Variants in HMOX1 observed in about 807,000 individuals in gnomAD.
HMOX1 encodes heme oxygenase 1, also known as heat shock protein, 32-kD.
HMOX1 carries 22 observed loss-of-function variants against 27.8 expected under a neutral mutation model. That is an observed-to-expected ratio of 0.79 (90% CI 0.57 to 1.13). HMOX1 has a LOEUF of 1.13. HMOX1 is among the 50% of genes most tolerant of loss of function. HMOX1 has a pLI of 0.00. For missense variants in HMOX1, 379 were observed against 377.7 expected, an observed-to-expected ratio of 1.00 and a Z score of -0.03; for synonymous variants, 153 against 151.6, an observed-to-expected ratio of 1.01 and a Z score of -0.07.
Position 35,383,076 on chromosome 22 carries a change from T to A in HMOX1, c.24-30T>A, listed in dbSNP as rs771330097. On this transcript the variant is annotated intron_variant, in intron 1 of 4. Transcript: ENST00000216117. ...GGAAGGACCCCACCCCCAGCCAGCT[T>A]TGTGTTCACCTTTCCCATTTCCTCC... is the stretch of plus-strand genomic sequence containing the variant. The A allele has an allele frequency of 6.8e-6, 11 of 1,611,794 alleles. No individual in the cohort carries two copies. The South Asian group carries it at 1.2e-4, about 18-fold the overall frequency.
In HMOX1 at chr22:35,386,957, TGACCTGTCTGGGGGCCAG is replaced by T. The variant is rs1271625779; in HGVS notation, c.419_436del (p.Asp140_Gln145del). The T allele has an allele frequency of 1.9e-6, 3 of 1,613,926 alleles. No individual in the cohort carries two copies. The highest frequency in any genetic ancestry group is 2.7e-5 in the African/African-American group (2 of 74,938). ...CCCACGCCTACACCCGCTACCTGGGTGACCTGTCTGGGGGCCAGGTGCTCAAAAAGATTGCCCAGAAAG... is the reference window on the plus strand; with the variant it reads ...CCCACGCCTACACCCGCTACCTGGGTGTGCTCAAAAAGATTGCCCAGAAAG... On this transcript the variant is annotated inframe_deletion, in exon 3 of 5. Transcript: ENST00000216117.
chr22:35,381,876 T>A (rs1031749984), intron 1 of HMOX1, among the ~76,000 whole-genome samples: 5 of 152,064 alleles, frequency 3.3e-5, no homozygotes, highest in Non-Finnish European at 7.4e-5. Context: ...TGACCAGCTG[T>A]GTTGTAGAAC....
Position 35,393,960 on chromosome 22 carries a change from C to T in HMOX1, c.*362C>T, listed in dbSNP as rs957145319. The T allele has an allele frequency of 4.1e-5, 14 of 339,578 alleles. No homozygotes were observed. Among genetic ancestry groups the T allele is most frequent in the African/African-American group, 1.3e-4 (6 of 46,918 alleles). The allele number at this position is 339,578 out of a possible 1,614,324, so 21.0% of individuals were successfully genotyped here. A position where few individuals can be genotyped will look rare whatever the true frequency, so the allele number is the denominator to read the frequency against. Reference sequence around the variant, plus strand: ...TTGACACGGCCATGACCACTTTCCCCGTGGGCCATGGCAATTTTTACACAA... The same window carrying T: ...TTGACACGGCCATGACCACTTTCCCTGTGGGCCATGGCAATTTTTACACAA... On this transcript the variant is annotated 3_prime_UTR_variant, in exon 5 of 5. Coordinates refer to ENST00000216117, the MANE Select transcript of HMOX1 (RefSeq NM_002133.3).
intron 4 of HMOX1, 50 bp downstream of exon 4, chr22:35,390,013 C>T (rs771793717): frequency 8.9e-7 from 1 of 1,128,326 alleles, no homozygotes; most frequent in Non-Finnish European, 1.3e-6. Flanking sequence ...CATGGAGGGA[C>T]TTGGCTGTCT....
chr22:35,391,193 A>G (rs1931709313), intron 4 of HMOX1, among the ~76,000 whole-genome samples: 1 of 152,108 alleles, frequency 6.6e-6, no homozygotes, highest in African/African-American at 2.4e-5. Flanking sequence ...GCAGTTCTCA[A>G]AGTGTGGTAC....
intron 4 of HMOX1, among the ~76,000 whole-genome samples, chr22:35,391,586 CTTTTTTTTT>C (rs56153278): frequency 1.1e-5 from 1 of 89,008 alleles, no homozygotes; most frequent in Non-Finnish European, 2.0e-5. Flanking sequence ...CGCGCCCGGC[CTTTTTTTTT>C]TTTTTTTTTT....
rs957403922 is a variant in HMOX1 at position 35,393,696 on chromosome 22, A to G, written c.*98A>G. 8.6e-5 allele frequency: 126 copies of G among 1,467,706 alleles called. No individual in the cohort carries two copies. In the Middle Eastern group the frequency reaches 2.0e-3, roughly 24 times the overall value. The allele number at this position is 1,467,706 out of a possible 1,614,324, so 90.9% of individuals were successfully genotyped here. On this transcript the variant is annotated 3_prime_UTR_variant, in exon 5 of 5. Transcript: ENST00000216117. ...CTTGGCTGGCTTCCTTACCGTGGGC[A>G]CTGAAGGCTTTCAGGGCCTCCAGCC...
chr22:35,384,190 TCC>T (rs1376891574), intron 2 of HMOX1, among the ~76,000 whole-genome samples: 2 of 152,136 alleles, frequency 1.3e-5, no homozygotes. Context: ...CAAGCGATTC[TCC>T]TGCCTCAGCC....
intron 4 of HMOX1, among the ~76,000 whole-genome samples, chr22:35,392,747 TCA>T (rs1227965898): frequency 1.3e-5 from 2 of 149,470 alleles, no homozygotes; most frequent in African/African-American, 4.9e-5. Context: ...AAATGGAGTC[TCA>T]CTCTGTTGCC....
At chr22:35,383,857 G>A (rs1931444616) in intron 2 of HMOX1, among the ~76,000 whole-genome samples, 3 of 152,036 alleles carry the variant, frequency 2.0e-5, no homozygotes, top group African/African-American at 7.2e-5. Context: ...TGATTTTGCT[G>A]TTTCCCAGCA....
At chr22:35,385,195 G>C (rs1033804092) in intron 2 of HMOX1, among the ~76,000 whole-genome samples, 5 of 152,120 alleles carry the variant, frequency 3.3e-5, no homozygotes, top group African/African-American at 1.2e-4. Flanking sequence ...CCTCCAGGAA[G>C]GAGAATTGTG....
intron 1 of HMOX1, among the ~76,000 whole-genome samples, chr22:35,382,210 A>G (rs1202553641): frequency 6.6e-6 from 1 of 152,044 alleles, no homozygotes; most frequent in East Asian, 1.9e-4. Context: ...ACTGCGAACT[A>G]CCTGTACCAG....
At chr22:35,381,690 G>C (rs1316660860) in intron 1 of HMOX1, among the ~76,000 whole-genome samples, 1 of 152,120 alleles carries the variant, frequency 6.6e-6, no homozygotes, top group Non-Finnish European at 1.5e-5. Flanking sequence ...TGCTCAGTTA[G>C]CTGGTGTCAG....
chr22:35,393,603 A>C lies in HMOX1; in HGVS notation c.*5A>C. On this transcript the variant is annotated 3_prime_UTR_variant, in exon 5 of 5. Coordinates refer to ENST00000216117, the MANE Select transcript of HMOX1 (RefSeq NM_002133.3). ...GTAGGGCTTTATGCCATGTGAATGC[A>C]GGCATGCTGGCTCCCAGGGCCATGA... 1 of 1,614,072 alleles carries C rather than the reference A, an allele frequency of 6.2e-7. No individual in the cohort carries two copies. Among genetic ancestry groups the C allele is most frequent in the Middle Eastern group, 1.6e-4 (1 of 6,062 alleles).
In HMOX1 at chr22:35,394,148, C is replaced by T. The variant is rs759528071; in HGVS notation, c.*550C>T. 13 of 183,804 alleles carry T rather than the reference C, an allele frequency of 7.1e-5. No individual in the cohort carries two copies. Among genetic ancestry groups the T allele is most frequent in the African/African-American group, 1.4e-4 (6 of 42,008 alleles). The allele number at this position is 183,804 out of a possible 1,614,324, so 11.4% of individuals were successfully genotyped here. ...CGTGGGTGGGGAGGGAGGTGTTTAACGGCACTGTGGCCTTGGTCTAACTTT... is the reference window on the plus strand; with the variant it reads ...CGTGGGTGGGGAGGGAGGTGTTTAATGGCACTGTGGCCTTGGTCTAACTTT... On this transcript the variant is annotated 3_prime_UTR_variant, in exon 5 of 5. Coordinates refer to ENST00000216117, the MANE Select transcript of HMOX1 (RefSeq NM_002133.3).
In HMOX1 at chr22:35,386,838, C is replaced by G; in HGVS notation, c.298C>G (p.Arg100Gly). Residue 100 changes from arginine (R) to glycine (G), a missense_variant, in exon 3 of 5, where the codon CGC becomes GGC. By Grantham distance (125) the Arg-to-Gly change is moderately radical. Transcript: ENST00000216117. ...EQDLAFWYGP[R>G]WQEVIPYTPA... ...GGACCTGGCCTTCTGGTACGGGCCC[C>G]GCTGGCAGGAGGTCATCCCCTACAC... The G allele has an allele frequency of 6.2e-7, 1 of 1,614,178 alleles. No individual in the cohort carries two copies. The highest frequency in any genetic ancestry group is 8.5e-7 in the Non-Finnish European group (1 of 1,180,020).
chr22:35,389,111 T>G (rs1185861105), intron 3 of HMOX1, among the ~76,000 whole-genome samples: 1 of 152,120 alleles, frequency 6.6e-6, no homozygotes, highest in Non-Finnish European at 1.5e-5. Context: ...TGTTATCGGT[T>G]GGGAGGGCAA....
rs946508652 is a variant in HMOX1 at position 35,390,095 on chromosome 22, C to A, written c.736+132C>A. The A allele has an allele frequency of 2.2e-5, 16 of 724,684 alleles. No individual in the cohort carries two copies. In the African/African-American group the frequency reaches 2.6e-4, roughly 12 times the overall value. The allele number at this position is 724,684 out of a possible 1,614,324, so 44.9% of individuals were successfully genotyped here. A position where few individuals can be genotyped will look rare whatever the true frequency, so the allele number is the denominator to read the frequency against. On this transcript the variant is annotated intron_variant, in intron 4 of 4. Transcript: ENST00000216117. ...TGGGTGTTGTTTCCTGCTGCCCCAC[C>A]CCACTGCCCCTGTAAGGACAGGTTC... is the stretch of plus-strand genomic sequence containing the variant.
intron 3 of HMOX1, among the ~76,000 whole-genome samples, chr22:35,389,459 TTCTTGCA>T: frequency 1.4e-5 from 2 of 142,902 alleles, no homozygotes; most frequent in African/African-American, 5.8e-5. Context: ...TTTTCTTTCT[TTCTTGCA>T]GAGTCTCGCC....
Sources: gnomAD v4.1 joint callset for allele counts (sites outside exome capture counted in the v4.1 genomes callset) on GRCh38, gnomAD v4.1.1 for gene constraint, MANE v1.5 for transcripts, NCBI Gene and HGNC (gene_info 2026-07-23, HGNC 2026-07-21) for gene names.